The following C2orf76 variants were observed in gnomAD, a reference collection of about 807,000 sequenced individuals.
C2orf76 encodes the protein chromosome 2 open reading frame 76.
C2orf76 carries 23 observed loss-of-function variants against 16.9 expected under a neutral mutation model. That is an observed-to-expected ratio of 1.36 (90% CI 0.98 to 1.93). The LOEUF is 1.93. C2orf76 is among the 30% of genes most tolerant of loss of function. The pLI, the probability that C2orf76 is intolerant of heterozygous loss-of-function variation, is 0.00. For missense variants in C2orf76, 152 were observed against 152.6 expected (o/e 1.00, Z 0.02); for synonymous variants, 48 against 52.3 (o/e 0.92, Z 0.35).
intron 1 of C2orf76, among the ~76,000 whole-genome samples, chr2:119,365,735 T>C (rs371030064): frequency 6.6e-5 from 10 of 152,208 alleles, no homozygotes; most frequent in African/African-American, 1.7e-4. Context: ...TTTAGCTTCT[T>C]AAACATCGAT....
At chr2:119,291,597 T>TA in the C2orf76 span, among the ~76,000 whole-genome samples, 12 of 151,354 alleles carry the variant, frequency 7.9e-5, no homozygotes, top group East Asian at 2.3e-3. Flanking sequence ...TCTTGGAAAA[T>TA]AAAAAACGAG....
intron 3 of C2orf76, among the ~76,000 whole-genome samples, chr2:119,319,961 A>C (rs1679293816): frequency 6.6e-6 from 1 of 152,210 alleles, no homozygotes; most frequent in South Asian, 2.1e-4. Flanking sequence ...GAAGTCTATC[A>C]AAACTCGAGT....
At position 119,350,082 on chromosome 2, in the gene C2orf76, C is replaced by A. The variant is rs1245124818; in HGVS notation, c.-12-10111G>T. ...CCCGCCCACACCGCCCCCCGCCCCC[C>A]CACCGTCCCGCGTAAGTGTTTGTAG... On this transcript the variant is annotated intron_variant, in intron 1 of 5. Coordinates refer to ENST00000334816, the MANE Select transcript of C2orf76 (RefSeq NM_001322331.2). 3.8e-5 allele frequency among the ~76,000 whole-genome samples: 5 copies of A among 131,904 alleles called. 1 individual carries two copies. The highest frequency in any genetic ancestry group is 5.6e-4 in the South Asian group (2 of 3,562). The allele number at this position is 131,904 out of a possible 152,430, so 86.5% of individuals were successfully genotyped here.
At chr2:119,296,668 C>G in the C2orf76 span, among the ~76,000 whole-genome samples, 1 of 152,176 alleles carries the variant, frequency 6.6e-6, no homozygotes, top group Non-Finnish European at 1.5e-5. Context: ...CTGCCTGTGT[C>G]TGGGGCAGGC....
Position 119,313,832 on chromosome 2 carries a change from T to G in C2orf76, c.223-2129A>C, listed in dbSNP as rs528565225. On this transcript the variant is annotated intron_variant, in intron 4 of 5. Coordinates refer to ENST00000334816, the MANE Select transcript of C2orf76 (RefSeq NM_001322331.2). ...GACAGGTGTGGATTAAGTATAGTCT[T>G]AATTTGTATTTTATTATGCTTAAAG... 5.3e-4 allele frequency among the ~76,000 whole-genome samples: 81 copies of G among 152,228 alleles called. 2 individuals carry two copies. In the South Asian group the frequency reaches 0.011, roughly 20 times the overall value.
intron 5 of C2orf76, among the ~76,000 whole-genome samples, chr2:119,308,474 TA>T (rs61108380): frequency 0.099 from 15,056 of 152,134 alleles, 1,629 homozygotes; most frequent in African/African-American, 0.27. Context: ...ACCCGGTCTC[TA>T]CTAAAAAATA....
At chr2:119,297,626 C>T (rs760512324), downstream of C2orf76, among the ~76,000 whole-genome samples, 43 of 152,256 alleles carry the variant, frequency 2.8e-4, no homozygotes, top group Non-Finnish European at 5.6e-4. Context: ...CCCTCCTCAG[C>T]CTCCTCAGTA....
the C2orf76 span, among the ~76,000 whole-genome samples, chr2:119,294,920 G>A: frequency 6.6e-6 from 1 of 152,114 alleles, no homozygotes; most frequent in Non-Finnish European, 1.5e-5. Flanking sequence ...AGGCATAGAG[G>A]ATCTCAAGTC....
chr2:119,313,167 G>T (rs749405676), intron 4 of C2orf76, among the ~76,000 whole-genome samples: 1 of 152,106 alleles, frequency 6.6e-6, no homozygotes, highest in Admixed American at 6.6e-5. Context: ...GAGACAGAGA[G>T]TCAACAGAAA....
intron 1 of C2orf76, among the ~76,000 whole-genome samples, chr2:119,346,358 T>C (rs766941220): frequency 6.6e-6 from 1 of 152,208 alleles, no homozygotes; most frequent in Non-Finnish European, 1.5e-5. Context: ...CATATCCATG[T>C]GTAATGCCCC....
intron 2 of C2orf76, among the ~76,000 whole-genome samples, chr2:119,331,705 C>T (rs569549774): frequency 4.3e-4 from 65 of 152,180 alleles, no homozygotes; most frequent in Non-Finnish European, 9.3e-4. Flanking sequence ...GTCACCATGT[C>T]TGTTTCCCCA....
intron 1 of C2orf76, among the ~76,000 whole-genome samples, chr2:119,349,412 T>C (rs1244813951): frequency 6.6e-6 from 1 of 152,176 alleles, no homozygotes; most frequent in Admixed American, 6.5e-5. Flanking sequence ...ACTCCTGCTA[T>C]GTACCAAGGA....
rs1184901400 is a variant in C2orf76, at chr2:119,311,669, T to C, written c.257A>G (p.Glu86Gly). Reference sequence around the variant, plus strand: ...GCTGTCTTCTTTCAGCAGGAGTCTTTCGTCATCTTCCAAACTCAACACAAG... The same window carrying C: ...GCTGTCTTCTTTCAGCAGGAGTCTTCCGTCATCTTCCAAACTCAACACAAG... Reference protein sequence around the residue: ...NELVLSLEDDERLLLKEDSTL... With the variant: ...NELVLSLEDDGRLLLKEDSTL... The change falls in exon 5 of 6, where the codon GAA (glutamate) becomes GGA (glycine). Residue 86 changes from glutamate to glycine, a missense_variant. Glu to Gly is a moderately conservative substitution (Grantham distance 98). Coordinates refer to ENST00000334816, the MANE Select transcript of C2orf76 (RefSeq NM_001322331.2). 1.2e-5 allele frequency: 19 copies of C among 1,612,822 alleles called. No individual in the cohort carries two copies. The highest frequency in any genetic ancestry group is 1.7e-5 in the Admixed American group (1 of 59,912).
At chr2:119,300,886 A>G (rs1678609609), downstream of C2orf76, among the ~76,000 whole-genome samples, 2 of 152,354 alleles carry the variant, frequency 1.3e-5, no homozygotes, top group South Asian at 2.1e-4. Context: ...TCGAAACATC[A>G]TTAAGTTGCA....
intron 5 of C2orf76, among the ~76,000 whole-genome samples, chr2:119,308,036 G>A (rs1044036039): frequency 4.6e-5 from 7 of 152,182 alleles, no homozygotes; most frequent in African/African-American, 1.7e-4. Context: ...AAACAAAATA[G>A]AGTTTCAGAG....
chr2:119,281,362 A>T, the C2orf76 span, among the ~76,000 whole-genome samples: 1 of 151,998 alleles, frequency 6.6e-6, no homozygotes, highest in Admixed American at 6.6e-5. Flanking sequence ...CTTATAACTG[A>T]GGATATGTGG....
the C2orf76 span, among the ~76,000 whole-genome samples, chr2:119,294,889 T>C: frequency 5.3e-4 from 81 of 151,554 alleles, 2 homozygotes; most frequent in South Asian, 0.011. Flanking sequence ...GCAGCAAGGG[T>C]CTAGGCAGAG....
chr2:119,366,074 T>TC (rs1322652925), intron 1 of C2orf76, among the ~76,000 whole-genome samples: 2 of 151,960 alleles, frequency 1.3e-5, no homozygotes, highest in Non-Finnish European at 2.9e-5. Flanking sequence ...CCCTCAATAC[T>TC]CCCCCTCCTC....
At chr2:119,286,665 A>T in the C2orf76 span, among the ~76,000 whole-genome samples, 3 of 152,124 alleles carry the variant, frequency 2.0e-5, no homozygotes, top group African/African-American at 7.2e-5. Context: ...ACAGGGAGGG[A>T]TACAGCAGTC....
Sources: allele counts gnomAD v4.1 joint callset (sites outside exome capture counted in the v4.1 genomes callset), GRCh38; gene constraint gnomAD v4.1.1; transcripts MANE v1.5; gene names NCBI Gene and HGNC (gene_info 2026-07-23, HGNC 2026-07-21).